PHC3: variants seen among roughly 807,000 people sequenced by gnomAD.
The protein encoded by PHC3 is polyhomeotic homolog 3.
A neutral mutation model predicts 107.4 loss-of-function variants in PHC3; 13 were observed. The observed-to-expected ratio is 0.12, with a 90% confidence interval of 0.08 to 0.19. The LOEUF (loss-of-function observed/expected upper bound fraction) is 0.19. Among genes scored for constraint, PHC3 ranks in the 10% least tolerant of loss-of-function variants. The pLI, the probability that PHC3 is intolerant of heterozygous loss-of-function variation, is 1.00. For synonymous variants in PHC3, 456 were observed against 427.4 expected (o/e 1.07, Z -0.83); for missense variants, 992 against 1,210.9 (o/e 0.82, Z 2.68).
chr3:170,149,273 G>C (rs1321290750), intron 4 of PHC3, 29 bp from the exon 5 acceptor site: 1 of 1,572,296 alleles, frequency 6.4e-7, no homozygotes, highest in Admixed American at 1.8e-5. Context: ...TAGGTCATAG[G>C]CTTCCATTTC....
At chr3:170,142,350 C>T (rs1443553635) in intron 6 of PHC3, among the ~76,000 whole-genome samples, 2 of 151,972 alleles carry the variant, frequency 1.3e-5, no homozygotes, top group East Asian at 1.9e-4. Flanking sequence ...CTCCAAAGTC[C>T]GTATTATAAA....
intron 11 of PHC3, among the ~76,000 whole-genome samples, chr3:170,112,632 T>C (rs1718059521): frequency 6.7e-6 from 1 of 150,278 alleles, no homozygotes; most frequent in Non-Finnish European, 1.5e-5. Context: ...CAAGCAATAC[T>C]CCTGCCTCAG....
intron 4 of PHC3, among the ~76,000 whole-genome samples, chr3:170,162,052 T>C (rs949960318): frequency 1.1e-4 from 17 of 152,204 alleles, no homozygotes; most frequent in Admixed American, 9.2e-4. Flanking sequence ...TTTAATTAGA[T>C]AATTTAATTT....
chr3:170,108,525 G>A (rs1717006517), intron 11 of PHC3, among the ~76,000 whole-genome samples: 1 of 152,132 alleles, frequency 6.6e-6, no homozygotes, highest in Non-Finnish European at 1.5e-5. Flanking sequence ...ATAAGCAAAA[G>A]TCATCAATTT....
chr3:170,169,089 G>A (rs1208196142), intron 4 of PHC3, among the ~76,000 whole-genome samples: 1 of 151,984 alleles, frequency 6.6e-6, no homozygotes, highest in African/African-American at 2.4e-5. Context: ...AGATTTTAGA[G>A]CATTTCGGGT....
At chr3:170,115,997 C>A (rs1305498212) in intron 10 of PHC3, among the ~76,000 whole-genome samples, 1 of 151,828 alleles carries the variant, frequency 6.6e-6, no homozygotes, top group African/African-American at 2.4e-5. Flanking sequence ...ACTCAAAAGG[C>A]CTTCAAAAAA....
At chr3:170,140,442 T>C (rs761838208) in intron 6 of PHC3, among the ~76,000 whole-genome samples, 2 of 151,332 alleles carry the variant, frequency 1.3e-5, no homozygotes, top group Non-Finnish European at 2.9e-5. Context: ...TTAGTAAAGA[T>C]GGGGTTTCGC....
At position 170,120,625 on chromosome 3, in the gene PHC3, T is replaced by C. The variant is rs151168102; in HGVS notation, c.1942+1966A>G. ...ACCTTAAATATTTTATATAAGTTTA[T>C]TGACTGTTTTCTACTTTTCAGGAGG... On this transcript the variant is annotated intron_variant, in intron 9 of 14. Coordinates refer to ENST00000495893, the MANE Select transcript of PHC3 (RefSeq NM_024947.4). 2.0e-3 allele frequency among the ~76,000 whole-genome samples: 298 copies of C among 152,182 alleles called. 2 individuals are homozygous for C. The highest frequency in any genetic ancestry group is 6.6e-3 in the African/African-American group (273 of 41,520).
chr3:170,159,326 A>G (rs1727468656), intron 4 of PHC3, among the ~76,000 whole-genome samples: 1 of 152,066 alleles, frequency 6.6e-6, no homozygotes, highest in Non-Finnish European at 1.5e-5. Context: ...TAATAGAAAA[A>G]CGGAATATTA....
Position 170,097,443 on chromosome 3 carries a change from C to A in PHC3, c.2834-59G>T. 1 of 1,518,202 alleles carries A rather than the reference C, an allele frequency of 6.6e-7. No individual in the cohort carries two copies. The highest frequency in any genetic ancestry group is 1.3e-5 in the South Asian group (1 of 78,438). The allele number at this position is 1,518,202 out of a possible 1,614,324, so 94.0% of individuals were successfully genotyped here. On this transcript the variant is annotated intron_variant, in intron 14 of 14. Transcript: ENST00000495893. This position sits in a 1 kb window ranked among gnomAD's most constrained non-coding sequence, Gnocchi z 4.1. ...AAATATACAACAATTAGACATTACT[C>A]CTAACAGTCACAGTTATGCTCTCAC...
intron 13 of PHC3, 38 bp from the exon 14 acceptor site, chr3:170,102,748 T>G: frequency 6.2e-7 from 1 of 1,613,264 alleles, no homozygotes; most frequent in African/African-American, 1.3e-5. Context: ...AGCATTGCAC[T>G]TTCCTTGCAT....
intron 8 of PHC3, among the ~76,000 whole-genome samples, chr3:170,126,262 G>T (rs186108385): frequency 4.0e-4 from 61 of 151,362 alleles, no homozygotes; most frequent in African/African-American, 1.3e-3. Context: ...TTGGTCAAAG[G>T]TAATAAAAAA....
At chr3:170,115,645 A>T (rs1718774355) in intron 10 of PHC3, among the ~76,000 whole-genome samples, 1 of 152,224 alleles carries the variant, frequency 6.6e-6, no homozygotes, top group South Asian at 2.1e-4. Flanking sequence ...ATAACAGATA[A>T]TAATGGCTAT....
chr3:170,143,434 AC>A (rs1724419766), intron 6 of PHC3, among the ~76,000 whole-genome samples: 1 of 152,176 alleles, frequency 6.6e-6, no homozygotes, highest in Admixed American at 6.5e-5. Flanking sequence ...ATTAGCCTTT[AC>A]TTGTAAATGA....
At chr3:170,138,634 G>A (rs1233211275) in intron 6 of PHC3, among the ~76,000 whole-genome samples, 2 of 144,150 alleles carry the variant, frequency 1.4e-5, no homozygotes, top group African/African-American at 5.2e-5. Context: ...AGGTTGCAGT[G>A]AGCTGAGATC....
chr3:170,171,608 A>T (rs1729612607), intron 3 of PHC3, among the ~76,000 whole-genome samples, 158 bp from the exon 4 acceptor site: 1 of 152,232 alleles, frequency 6.6e-6, no homozygotes, highest in Admixed American at 6.5e-5. Flanking sequence ...GGTTAAACAG[A>T]TTTTTTAAAT....
At chr3:170,179,467 AT>A (rs1240249590) in intron 1 of PHC3, among the ~76,000 whole-genome samples, 1 of 152,172 alleles carries the variant, frequency 6.6e-6, no homozygotes, top group Admixed American at 6.6e-5. Context: ...TTAAAAAGTA[AT>A]TTTTTTAACT....
At chr3:170,126,528 ATT>A (rs1553788612) in intron 8 of PHC3, among the ~76,000 whole-genome samples, 2,539 of 90,566 alleles carry the variant, frequency 0.028, 82 homozygotes, top group African/African-American at 0.09. Flanking sequence ...ATATATATAT[ATT>A]TTTTTTTTTT....
At chr3:170,180,809 C>G (rs1472697148) in intron 1 of PHC3, among the ~76,000 whole-genome samples, 1 of 152,134 alleles carries the variant, frequency 6.6e-6, no homozygotes, top group Non-Finnish European at 1.5e-5. Context: ...GTTCTAACTC[C>G]TAACCAAAAA....
Sources: gnomAD v4.1 joint callset for allele counts (sites outside exome capture counted in the v4.1 genomes callset) on GRCh38, gnomAD v4.1.1 for gene constraint, Gnocchi (gnomAD v3.1) non-coding constraint, MANE v1.5 for transcripts, NCBI Gene and HGNC (gene_info 2026-07-23, HGNC 2026-07-21) for gene names.